NTRK3: variants seen among roughly 807,000 people sequenced by gnomAD.
NTRK3 encodes neurotrophic receptor tyrosine kinase 3.
A neutral mutation model predicts 91.7 loss-of-function variants in NTRK3; 24 were observed. That is an observed-to-expected ratio of 0.26 (90% CI 0.19 to 0.37). NTRK3 has a LOEUF of 0.37. Among genes scored for constraint, NTRK3 ranks in the 10% least tolerant of loss-of-function variants. The probability of loss-of-function intolerance (pLI) is 1.00; values close to 1 mark genes in which losing one functional copy is unlikely to be tolerated. For missense variants in NTRK3, 880 were observed against 1,068.9 expected (o/e 0.82, Z 2.46); for synonymous variants, 483 against 404.0 (o/e 1.20, Z -2.34).
chr15:88,202,436 C>T (rs2048383852), intron 3 of NTRK3, among the ~76,000 whole-genome samples: 1 of 152,222 alleles, frequency 6.6e-6, no homozygotes, highest in South Asian at 2.1e-4. Flanking sequence ...GCAGAATGCC[C>T]CATTCTCTAA....
At chr15:88,109,761 G>A (rs1405125220) in intron 13 of NTRK3, among the ~76,000 whole-genome samples, 2 of 152,096 alleles carry the variant, frequency 1.3e-5, no homozygotes, top group Non-Finnish European at 2.9e-5. Context: ...CCACTGGCTG[G>A]GGGAGTAGCC....
intron 5 of NTRK3, among the ~76,000 whole-genome samples, chr15:88,178,379 A>G (rs1332088603): frequency 6.6e-6 from 1 of 152,220 alleles, no homozygotes. Context: ...CTGAAAGGGT[A>G]GGGATCCTAG....
intron 10 of NTRK3, among the ~76,000 whole-genome samples, chr15:88,132,266 C>G (rs1255803557): frequency 6.6e-6 from 1 of 152,230 alleles, no homozygotes; most frequent in Non-Finnish European, 1.5e-5. Context: ...TCCTAAGAAT[C>G]TTAACAATGG....
chr15:87,880,366 C>G (rs2065175342), exon 18 of NTRK3: 1 of 1,614,162 alleles, frequency 6.2e-7, no homozygotes, highest in Non-Finnish European at 8.5e-7. Flanking sequence ...CTGTAGTGAA[C>G]TTCCGGTACA....
intron 14 of NTRK3, among the ~76,000 whole-genome samples, chr15:87,972,183 A>C (rs1176552740): frequency 6.6e-6 from 1 of 152,192 alleles, no homozygotes. Context: ...GAGGTCTCCA[A>C]AGGCAGAGCT....
chr15:88,183,923 GA>G (rs2046738463), intron 4 of NTRK3, among the ~76,000 whole-genome samples: 1 of 152,176 alleles, frequency 6.6e-6, no homozygotes, highest in South Asian at 2.1e-4. Context: ...TAAGGGTAGG[GA>G]AAGGACACTC....
exon 19 of NTRK3, chr15:87,863,503 C>T (rs1265004494): frequency 4.6e-6 from 1 of 217,480 alleles, no homozygotes; most frequent in African/African-American, 2.3e-5. Context: ...GGTGACAGGC[C>T]TCAAAACATG....
chr15:88,061,739 C>T (rs559556851), intron 13 of NTRK3, among the ~76,000 whole-genome samples: 5 of 152,190 alleles, frequency 3.3e-5, no homozygotes, highest in Admixed American at 6.5e-5. Flanking sequence ...CCGGAGGCTC[C>T]GTTCTGGAAC....
At chr15:87,929,037 C>T in intron 17 of NTRK3, 154 bp downstream of exon 17, 1 of 1,080,498 alleles carries the variant, frequency 9.3e-7, no homozygotes, top group Admixed American at 1.9e-5. Context: ...TGTCAAGATG[C>T]AAGAGAGGCC....
In NTRK3 at chr15:88,243,621, T is replaced by C. The variant is rs912651470; in HGVS notation, c.248+12285A>G. ...TCATGTCTGACACTCAAATTTAAGC[T>C]AAAAGAGGCTTTTTTGTCAACCAGA... On this transcript the variant is annotated intron_variant, in intron 3 of 18. Transcript: ENST00000394480. This position sits in a 1 kb window ranked among gnomAD's most constrained non-coding sequence, Gnocchi z 4.8. Among the ~76,000 whole-genome samples, 8 of 151,804 alleles carry C rather than the reference T, an allele frequency of 5.3e-5. 1 individual carries two copies. Among genetic ancestry groups the C allele is most frequent in the Admixed American group, 5.2e-4 (8 of 15,262 alleles).
At chr15:87,921,890 A>G (rs2067907671) in intron 17 of NTRK3, among the ~76,000 whole-genome samples, 1 of 152,110 alleles carries the variant, frequency 6.6e-6, no homozygotes, top group South Asian at 2.1e-4. Flanking sequence ...TTAAAAAAAA[A>G]AAAAACTATT....
rs1411443571 is a variant in NTRK3, at chr15:88,255,789, CGGGCGGCGGGCAGCGGCGAGCTG to C, written c.248+94_248+116del. Reference sequence around the variant, plus strand: ...CAGAGCGAGCCTGACGCGCGCCCAGCGGGCGGCGGGCAGCGGCGAGCTGGGGCGGGCGGAGGGCCGGCTCCCGG... The same window carrying C: ...CAGAGCGAGCCTGACGCGCGCCCAGCGGGCGGGCGGAGGGCCGGCTCCCGG... On this transcript the variant is annotated intron_variant, in intron 3 of 18. Transcript: ENST00000394480. The surrounding 1 kb of genome is among the most constrained non-coding windows in gnomAD (Gnocchi z 4.3). 1 of 823,994 alleles carries C rather than the reference CGGGCGGCGGGCAGCGGCGAGCTG, an allele frequency of 1.2e-6. No individual in the cohort carries two copies. Among genetic ancestry groups the C allele is most frequent in the Non-Finnish European group, 1.7e-6 (1 of 600,390 alleles). The allele number at this position is 823,994 out of a possible 1,614,324, so 51.0% of individuals were successfully genotyped here.
At chr15:88,004,254 G>T (rs982398223) in intron 14 of NTRK3, among the ~76,000 whole-genome samples, 1 of 152,134 alleles carries the variant, frequency 6.6e-6, no homozygotes, top group Admixed American at 6.5e-5. Flanking sequence ...CTATGCCAGA[G>T]TCCCTCTGAG....
chr15:87,957,078 G>T (rs1009516575), intron 14 of NTRK3, among the ~76,000 whole-genome samples: 1 of 152,068 alleles, frequency 6.6e-6, no homozygotes. Context: ...GACTGTCTGG[G>T]ATCAAATCCA....
chr15:87,873,931 G>T (rs1037072960), exon 19 of NTRK3: 1 of 230,214 alleles, frequency 4.3e-6, no homozygotes, highest in Non-Finnish European at 8.6e-6. Context: ...CCTATGCAAG[G>T]CTGTCCTGCC....
chr15:87,912,391 A>G (rs557964886), intron 17 of NTRK3, among the ~76,000 whole-genome samples: 4 of 152,316 alleles, frequency 2.6e-5, no homozygotes, highest in African/African-American at 7.2e-5. Flanking sequence ...TAACTTAACC[A>G]GAACACCAAA....
At chr15:88,160,754 C>T (rs78215351) in intron 5 of NTRK3, among the ~76,000 whole-genome samples, 2,334 of 152,312 alleles carry the variant, frequency 0.015, 39 homozygotes, top group Middle Eastern at 0.027. Flanking sequence ...AAGCCCCATC[C>T]AAGTGTATGA....
At chr15:88,179,324 G>A (rs1286137472) in intron 5 of NTRK3, among the ~76,000 whole-genome samples, 4 of 152,184 alleles carry the variant, frequency 2.6e-5, no homozygotes, top group African/African-American at 9.7e-5. Flanking sequence ...AGCTATAGTG[G>A]AAAGATTCCT....
intron 14 of NTRK3, among the ~76,000 whole-genome samples, chr15:87,968,448 G>A (rs1182889484): frequency 1.3e-5 from 2 of 151,956 alleles, no homozygotes; most frequent in Admixed American, 6.6e-5. Context: ...GTAAAAATAT[G>A]TACACGTTCA....
Sources: allele counts gnomAD v4.1 joint callset (sites outside exome capture counted in the v4.1 genomes callset), GRCh38; gene constraint gnomAD v4.1.1; non-coding constraint Gnocchi (gnomAD v3.1); transcripts MANE v1.5; gene names NCBI Gene and HGNC (gene_info 2026-07-23, HGNC 2026-07-21).